The following FHIT variants were observed in gnomAD, a reference collection of about 807,000 sequenced individuals.
FHIT encodes bis(5'-adenosyl)-triphosphatase.
A neutral mutation model predicts 17.9 loss-of-function variants in FHIT; 19 were observed. That is an observed-to-expected ratio of 1.06 (90% CI 0.74 to 1.56). The LOEUF is 1.56. Among genes scored for constraint, FHIT ranks in the 40% most tolerant of loss-of-function variants. FHIT has a pLI of 0.00. For missense variants in FHIT, 248 were observed against 189.2 expected (o/e 1.31, Z -1.82); for synonymous variants, 81 against 69.7 (o/e 1.16, Z -0.81).
At chr3:60,446,386 C>T (rs1008255479) in intron 5 of FHIT, among the ~76,000 whole-genome samples, 2 of 152,192 alleles carry the variant, frequency 1.3e-5, no homozygotes, top group Non-Finnish European at 2.9e-5. Flanking sequence ...TGAAATGGGG[C>T]GTTACTTTCA....
chr3:60,895,665 CCTTTCTTTCTTTCTTT>C (rs141279352), intron 3 of FHIT, among the ~76,000 whole-genome samples: 8,553 of 106,776 alleles, frequency 0.08, 429 homozygotes, highest in Middle Eastern at 0.096. Flanking sequence ...TTCCTTCCTT[CCTTTCTTTCTTTCTTT>C]CTTTCTTTCT....
intron 2 of FHIT, among the ~76,000 whole-genome samples, chr3:61,127,489 T>C (rs553102109): frequency 4.6e-5 from 7 of 152,282 alleles, no homozygotes; most frequent in African/African-American, 1.7e-4. Context: ...AGGCAAAGGA[T>C]TGATCACCTA....
intron 4 of FHIT, among the ~76,000 whole-genome samples, chr3:60,621,060 C>T (rs1483123662): frequency 6.6e-6 from 1 of 151,930 alleles, no homozygotes; most frequent in Non-Finnish European, 1.5e-5. Context: ...ATTTAACTCC[C>T]AAGTGATGTT....
intron 2 of FHIT, among the ~76,000 whole-genome samples, chr3:61,086,085 C>T (rs2035297413): frequency 6.6e-6 from 1 of 152,058 alleles, no homozygotes; most frequent in African/African-American, 2.4e-5. Flanking sequence ...TTCAAATGCT[C>T]ATATCTTTTT....
At chr3:61,075,441 A>G (rs1211515913) in intron 2 of FHIT, among the ~76,000 whole-genome samples, 1 of 152,190 alleles carries the variant, frequency 6.6e-6, no homozygotes, top group Non-Finnish European at 1.5e-5. Context: ...TAGTAACACA[A>G]AGAATTAAAA....
At chr3:60,251,201 A>C (rs1252326985) in intron 5 of FHIT, among the ~76,000 whole-genome samples, 1 of 152,238 alleles carries the variant, frequency 6.6e-6, no homozygotes, top group African/African-American at 2.4e-5. Context: ...CATAAAAAAC[A>C]GCCAGAGGCT....
intron 5 of FHIT, among the ~76,000 whole-genome samples, chr3:60,164,482 A>G (rs1485327757): frequency 1.3e-5 from 2 of 152,222 alleles, no homozygotes; most frequent in African/African-American, 4.8e-5. Context: ...ATATTAGAAA[A>G]TAATGTAACC....
At chr3:60,892,722 A>T (rs1705585012) in intron 3 of FHIT, among the ~76,000 whole-genome samples, 1 of 152,242 alleles carries the variant, frequency 6.6e-6, no homozygotes, top group South Asian at 2.1e-4. Context: ...AATGCCCTAC[A>T]GTAGAGTGAA....
chr3:59,831,902 G>A (rs764401417), intron 8 of FHIT, among the ~76,000 whole-genome samples: 5 of 152,124 alleles, frequency 3.3e-5, no homozygotes, highest in Non-Finnish European at 7.4e-5. Context: ...GATTCAATTT[G>A]TGGCCAAAAG....
intron 5 of FHIT, among the ~76,000 whole-genome samples, chr3:60,434,137 T>C (rs1290467632): frequency 1.3e-5 from 2 of 152,118 alleles, no homozygotes; most frequent in Non-Finnish European, 1.5e-5. Context: ...ATTCAACCAA[T>C]TACTTTAATG....
intron 4 of FHIT, among the ~76,000 whole-genome samples, chr3:60,557,193 A>G (rs1030890527): frequency 1.3e-5 from 2 of 152,152 alleles, no homozygotes; most frequent in Non-Finnish European, 2.9e-5. Flanking sequence ...AAACACTAAG[A>G]GTTTAAGTCC....
chr3:61,003,771 A>G (rs973616425), intron 3 of FHIT, among the ~76,000 whole-genome samples: 10 of 152,270 alleles, frequency 6.6e-5, no homozygotes, highest in African/African-American at 2.2e-4. Context: ...TATCTTACTG[A>G]AAAGTTGCAA....
At chr3:60,374,678 G>T (rs944604240) in intron 5 of FHIT, among the ~76,000 whole-genome samples, 3 of 151,452 alleles carry the variant, frequency 2.0e-5, no homozygotes, top group Non-Finnish European at 4.4e-5. Flanking sequence ...TAGAGAATAT[G>T]CATATTCAAG....
intron 4 of FHIT, among the ~76,000 whole-genome samples, chr3:60,563,170 C>G (rs914190620): frequency 6.6e-6 from 1 of 152,082 alleles, no homozygotes; most frequent in Non-Finnish European, 1.5e-5. Flanking sequence ...GCTACAAAGG[C>G]GAGCCCGATG....
chr3:59,926,389 T>G (rs1261621458), intron 7 of FHIT, among the ~76,000 whole-genome samples: 1 of 152,192 alleles, frequency 6.6e-6, no homozygotes, highest in Non-Finnish European at 1.5e-5. Flanking sequence ...AAAGCCTCTG[T>G]CCCCATAGAG....
At chr3:60,540,597 A>C (rs1030836455) in intron 4 of FHIT, among the ~76,000 whole-genome samples, 1 of 152,228 alleles carries the variant, frequency 6.6e-6, no homozygotes, top group African/African-American at 2.4e-5. Context: ...ATTTGGTCAC[A>C]GTAGTAGTCT....
chr3:60,340,686 T>C (rs1302558396), intron 5 of FHIT, among the ~76,000 whole-genome samples: 2 of 152,168 alleles, frequency 1.3e-5, no homozygotes, highest in Non-Finnish European at 2.9e-5. Flanking sequence ...GTTTTAACTG[T>C]GAGTGTCCAC....
At chr3:61,193,616 C>T (rs1357686565) in intron 2 of FHIT, among the ~76,000 whole-genome samples, 1 of 152,166 alleles carries the variant, frequency 6.6e-6, no homozygotes, top group African/African-American at 2.4e-5. Context: ...AAAAAAGTAA[C>T]CAGTTATGCA....
intron 2 of FHIT, among the ~76,000 whole-genome samples, chr3:61,160,358 G>A (rs1397238647): frequency 1.3e-5 from 2 of 152,080 alleles, no homozygotes; most frequent in Non-Finnish European, 2.9e-5. Context: ...TTCCATTAGA[G>A]GAAAAAATAA....
Sources: gnomAD v4.1 joint callset for allele counts (sites outside exome capture counted in the v4.1 genomes callset) on GRCh38, gnomAD v4.1.1 for gene constraint, MANE v1.5 for transcripts, NCBI Gene and HGNC (gene_info 2026-07-23, HGNC 2026-07-21) for gene names.